The following CD59 variants were observed in gnomAD, a reference collection of about 807,000 sequenced individuals.
CD59 encodes the protein CD59 molecule (CD59 blood group).
Under a neutral mutation model 7.0 loss-of-function variants are expected in CD59, and 3 were observed. The ratio of observed to expected loss-of-function variants is 0.43; its 90% confidence interval spans 0.19 to 1.10. CD59 has a LOEUF of 1.10. Ranked by LOEUF, CD59 falls within the 50% of genes least tolerant of loss-of-function variation. CD59 has a pLI of 0.29. For missense variants in CD59, 143 were observed against 151.0 expected (o/e 0.95, Z 0.28); for synonymous variants, 60 against 62.0 (o/e 0.97, Z 0.15).
intron 1 of CD59, among the ~76,000 whole-genome samples, chr11:33,731,160 A>G (rs1392473233): frequency 1.3e-5 from 2 of 152,168 alleles, no homozygotes; most frequent in Non-Finnish European, 2.9e-5. Context: ...GGGGGAGTCA[A>G]AAGTTAAACT....
At chr11:33,716,376 T>A (rs192070098) in intron 3 of CD59, among the ~76,000 whole-genome samples, 89 of 152,288 alleles carry the variant, frequency 5.8e-4, no homozygotes, top group African/African-American at 2.1e-3. Context: ...CCTGACATGT[T>A]CACCATTTCT....
Position 33,704,354 on chromosome 11 carries a change from T to A in CD59, c.*5772A>T, listed in dbSNP as rs1025068586. 1 of 152,180 alleles carries A rather than the reference T, an allele frequency of 6.6e-6. No individual in the cohort carries two copies. The highest frequency in any genetic ancestry group is 2.4e-5 in the African/African-American group (1 of 41,434). The allele number at this position is 152,180 out of a possible 1,614,324, so 9.4% of individuals were successfully genotyped here. On this transcript the variant is annotated 3_prime_UTR_variant, in exon 4 of 4. Transcript: ENST00000642928. ...GCCAGGGACAACTAGTAGGTGGTCA[T>A]TGGAGTGTGGCTACAGTTATTATAC...
rs555679428 is a variant in CD59, at chr11:33,710,021, C to T, written c.*105G>A. ...TTGCTCAAGCTAATTTTATTCTTTC[C>T]CAACAGGATCCATTTGGAAAATATC... On this transcript the variant is annotated 3_prime_UTR_variant, in exon 4 of 4. Coordinates refer to ENST00000642928, the MANE Select transcript of CD59 (RefSeq NM_000611.6). 2.1e-6 allele frequency: 2 copies of T among 945,682 alleles called. No homozygotes were observed. Among genetic ancestry groups the T allele is most frequent in the South Asian group, 2.8e-5 (2 of 71,784 alleles). 58.6% of individuals were successfully genotyped at this position (945,682 alleles called of 1,614,324 possible).
chr11:33,720,273 T>C (rs1853997234), intron 2 of CD59, among the ~76,000 whole-genome samples: 1 of 152,232 alleles, frequency 6.6e-6, no homozygotes, highest in African/African-American at 2.4e-5. Context: ...ACACAGCTAC[T>C]AAGTGACCGA....
Position 33,710,171 on chromosome 11 carries a change from C to G in CD59, c.342G>C (p.Leu114=). The change falls in exon 4 of 4, where the codon CTG becomes CTC. Residue 114 remains leucine, a synonymous_variant. Transcript: ENST00000642928. ...CTGCTGCCAGAAATGGAGTCACCAG[C>G]AGAAGAACTGTTTTCTCTGATAAGG... ...GTSLSEKTVL[L]LVTPFLAAAW... is the part of the protein sequence containing the mutation. 1 of 1,613,982 alleles carries G rather than the reference C, an allele frequency of 6.2e-7. No individual in the cohort carries two copies.
chr11:33,734,511 C>T (rs1854508500), intron 1 of CD59, among the ~76,000 whole-genome samples: 1 of 152,212 alleles, frequency 6.6e-6, no homozygotes, highest in Non-Finnish European at 1.5e-5. Flanking sequence ...TGTTGTTCCC[C>T]TCCCTGTGTC....
At chr11:33,732,159 A>G (rs1590547429) in intron 1 of CD59, among the ~76,000 whole-genome samples, 1 of 151,538 alleles carries the variant, frequency 6.6e-6, no homozygotes, top group South Asian at 2.1e-4. Flanking sequence ...CTATTTCTTT[A>G]CAAATTACCC....
At chr11:33,728,721 A>G (rs931201486) in intron 1 of CD59, among the ~76,000 whole-genome samples, 2 of 152,252 alleles carry the variant, frequency 1.3e-5, no homozygotes, top group East Asian at 3.8e-4. Context: ...AACTGTCAGC[A>G]GAGTGAAAAG....
rs540038846 is a variant in CD59, at chr11:33,703,852, T to C, written c.*6274A>G. 2 of 152,352 alleles carry C rather than the reference T, an allele frequency of 1.3e-5. No homozygotes were observed. The highest frequency in any genetic ancestry group is 4.1e-4 in the South Asian group (2 of 4,822). 9.4% of individuals were successfully genotyped at this position (152,352 alleles called of 1,614,324 possible). A position where few individuals can be genotyped will look rare whatever the true frequency, so the allele number is the denominator to read the frequency against. On this transcript the variant is annotated 3_prime_UTR_variant, in exon 4 of 4. Coordinates refer to ENST00000642928, the MANE Select transcript of CD59 (RefSeq NM_000611.6). ...TGAGGGTGGAGGTTCCTGTCCAGCA[T>C]TCTTCACTCTCTATTTAACCGAGGC...
intron 3 of CD59, among the ~76,000 whole-genome samples, chr11:33,714,229 C>T (rs1853686590): frequency 6.6e-6 from 1 of 152,170 alleles, no homozygotes; most frequent in Non-Finnish European, 1.5e-5. Context: ...TAGCCTAGTA[C>T]ACACTCAGGC....
intron 3 of CD59, among the ~76,000 whole-genome samples, chr11:33,714,817 C>T (rs181878354): frequency 9.1e-4 from 139 of 152,218 alleles, no homozygotes; most frequent in African/African-American, 3.3e-3. Flanking sequence ...CTGTTTTCCA[C>T]CTCTTCATCT....
At chr11:33,715,741 T>G (rs913093753) in intron 3 of CD59, among the ~76,000 whole-genome samples, 6 of 152,144 alleles carry the variant, frequency 3.9e-5, no homozygotes, top group African/African-American at 1.2e-4. Context: ...TATAAGAAAT[T>G]TTGGGATTTA....
intron 3 of CD59, chr11:33,711,531 T>C (rs902225859): frequency 4.7e-6 from 3 of 632,284 alleles, no homozygotes; most frequent in Non-Finnish European, 8.4e-6. Context: ...ATAAAAAAAT[T>C]AGCCAGGCAG....
At position 33,707,886 on chromosome 11, in the gene CD59, ACTGATT is replaced by A. The variant is rs1431429455; in HGVS notation, c.*2234_*2239del. 1 of 152,186 alleles carries A rather than the reference ACTGATT, an allele frequency of 6.6e-6. No individual in the cohort carries two copies. The highest frequency in any genetic ancestry group is 1.5e-5 in the Non-Finnish European group (1 of 68,032). 9.4% of individuals were successfully genotyped at this position (152,186 alleles called of 1,614,324 possible). A position where few individuals can be genotyped will look rare whatever the true frequency, so the allele number is the denominator to read the frequency against. On this transcript the variant is annotated 3_prime_UTR_variant, in exon 4 of 4. Coordinates refer to ENST00000642928, the MANE Select transcript of CD59 (RefSeq NM_000611.6). The stretch of plus-strand genomic sequence containing the variant: ...TAGTGAAGAGCTTGCCAAGGACAGG[ACTGATT>A]CTTCCTCCAGCCTCACCTATCGGGG...
At chr11:33,730,994 C>A (rs1854400406) in intron 1 of CD59, among the ~76,000 whole-genome samples, 1 of 152,146 alleles carries the variant, frequency 6.6e-6, no homozygotes. Flanking sequence ...TTTTCTCTTC[C>A]TTACGATTTT....
chr11:33,708,144 G>A lies in CD59; in HGVS notation c.*1982C>T, dbSNP rs1853388758. ...GTACTATAAATGTCTTTACATTACA[G>A]TATTGCCTTTGGGTCCAGGCACTCA... On this transcript the variant is annotated 3_prime_UTR_variant, in exon 4 of 4. Transcript: ENST00000642928. 6.6e-6 allele frequency: 1 copy of A among 152,192 alleles called. No individual in the cohort carries two copies. Among genetic ancestry groups the A allele is most frequent in the Non-Finnish European group, 1.5e-5 (1 of 68,054 alleles). The allele number at this position is 152,192 out of a possible 1,614,324, so 9.4% of individuals were successfully genotyped here.
intron 1 of CD59, among the ~76,000 whole-genome samples, chr11:33,724,303 G>A (rs74580475): frequency 0.011 from 1,741 of 152,328 alleles, 36 homozygotes; most frequent in African/African-American, 0.039. Flanking sequence ...CCCTGATGGG[G>A]AGCTGTTCTT....
At chr11:33,714,012 C>A (rs567609173) in intron 3 of CD59, among the ~76,000 whole-genome samples, 11 of 152,342 alleles carry the variant, frequency 7.2e-5, no homozygotes, top group Middle Eastern at 6.8e-3. Context: ...ACAGCAGTGA[C>A]CACTTGACAC....
In CD59 at chr11:33,709,526, G is replaced by A. The variant is rs1853449153; in HGVS notation, c.*600C>T. ...AAATTTAAAGACAGAGGAAAAACTC[G>A]ATTTTCAGCCACTTGTACCTCTCTA... On this transcript the variant is annotated 3_prime_UTR_variant, in exon 4 of 4. Coordinates refer to ENST00000642928, the MANE Select transcript of CD59 (RefSeq NM_000611.6). 1.3e-5 allele frequency: 2 copies of A among 158,856 alleles called. No individual in the cohort carries two copies. Among genetic ancestry groups the A allele is most frequent in the South Asian group, 1.8e-4 (1 of 5,602 alleles). The allele number at this position is 158,856 out of a possible 1,614,324, so 9.8% of individuals were successfully genotyped here. A position where few individuals can be genotyped will look rare whatever the true frequency, so the allele number is the denominator to read the frequency against.
Sources: allele counts gnomAD v4.1 joint callset (sites outside exome capture counted in the v4.1 genomes callset), GRCh38; gene constraint gnomAD v4.1.1; transcripts MANE v1.5; gene names NCBI Gene and HGNC (gene_info 2026-07-23, HGNC 2026-07-21).